Variants in BDH1 observed in about 807,000 individuals in gnomAD.
BDH1 encodes 3-hydroxybutyrate dehydrogenase 1, also known as D-beta-hydroxybutyrate dehydrogenase, mitochondrial.
A neutral mutation model predicts 33.1 loss-of-function variants in BDH1; 30 were observed. The observed-to-expected ratio is 0.91, with a 90% confidence interval of 0.68 to 1.23. BDH1 has a LOEUF of 1.23. Ranked by LOEUF, BDH1 falls within the 50% of genes most tolerant of loss-of-function variation. The pLI is 0.00. For missense variants in BDH1, 443 were observed against 464.4 expected, an observed-to-expected ratio of 0.95 and a Z score of 0.42; for synonymous variants, 190 against 183.6, an observed-to-expected ratio of 1.03 and a Z score of -0.28.
At chr3:197,524,989 G>A (rs146272724) in intron 5 of BDH1, among the ~76,000 whole-genome samples, 10 of 152,262 alleles carry the variant, frequency 6.6e-5, no homozygotes, top group East Asian at 1.9e-4. Context: ...CAGCCAGGCC[G>A]GAGGCTCGAT....
At chr3:197,545,905 G>T (rs1716037001) in intron 3 of BDH1, among the ~76,000 whole-genome samples, 1 of 152,198 alleles carries the variant, frequency 6.6e-6, no homozygotes, top group Admixed American at 6.5e-5. Flanking sequence ...GGGAGGCCAA[G>T]GCGGGTGGAT....
rs1333879457 is a variant in BDH1 at position 197,522,084 on chromosome 3, C to T, written c.409+556G>A. Among the ~76,000 whole-genome samples, 11 of 152,186 alleles carry T rather than the reference C, an allele frequency of 7.2e-5. No individual in the cohort carries two copies. Among genetic ancestry groups the T allele is most frequent in the African/African-American group, 1.7e-4 (7 of 41,450 alleles). On this transcript the variant is annotated intron_variant, in intron 6 of 7. Coordinates refer to ENST00000392379, the MANE Select transcript of BDH1 (RefSeq NM_203314.3). The surrounding 1 kb of genome is among the most constrained non-coding windows in gnomAD (Gnocchi z 4.8). ...ATCCCACCACTTGACCAACAGCCCC[C>T]GCTACCCTCCCCGTGCTCCTCGAAG...
intron 3 of BDH1, among the ~76,000 whole-genome samples, chr3:197,545,291 A>C (rs999143571): frequency 3.3e-5 from 5 of 152,218 alleles, no homozygotes; most frequent in African/African-American, 4.8e-5. Context: ...TGCTTGTCTA[A>C]TTTGTACTTA....
chr3:197,527,305 G>A (rs1197706021), intron 5 of BDH1, among the ~76,000 whole-genome samples: 1 of 152,214 alleles, frequency 6.6e-6, no homozygotes, highest in South Asian at 2.1e-4. Flanking sequence ...GGTTTATTTG[G>A]TCAAAAGCTG....
chr3:197,571,399 G>T (rs1405901413), intron 1 of BDH1, among the ~76,000 whole-genome samples: 1 of 152,102 alleles, frequency 6.6e-6, no homozygotes, highest in Non-Finnish European at 1.5e-5. Context: ...GGAGTGGAAT[G>T]ATATGGTTTG....
At chr3:197,533,427 G>T (rs1647962141) in intron 4 of BDH1, 62 bp downstream of exon 4, 1 of 1,531,274 alleles carries the variant, frequency 6.5e-7, no homozygotes, top group Non-Finnish European at 9.0e-7. Flanking sequence ...CAGGGCCTAG[G>T]GGCCCAGAAG....
rs1713437222 is a variant in BDH1 at position 197,520,569 on chromosome 3, G to A, written c.409+2071C>T. ...GGCAGGGGACGAGGACCGCCAGCCT[G>A]AGCAAGCCGGCCTGGTGCGTTCTCT... On this transcript the variant is annotated intron_variant, in intron 6 of 7. Coordinates refer to ENST00000392379, the MANE Select transcript of BDH1 (RefSeq NM_203314.3). The surrounding 1 kb of genome is among the most constrained non-coding windows in gnomAD (Gnocchi z 6.0). Among the ~76,000 whole-genome samples the A allele has an allele frequency of 6.6e-6, 1 of 152,122 alleles. No homozygotes were observed. The highest frequency in any genetic ancestry group is 1.5e-5 in the Non-Finnish European group (1 of 68,016).
chr3:197,533,863 A>C, intron 3 of BDH1: 2 of 386,636 alleles, frequency 5.2e-6, no homozygotes, highest in East Asian at 4.2e-5. Context: ...CACTCCAATA[A>C]AGTTCCATTT....
At chr3:197,558,044 A>C (rs760209448), upstream of BDH1, among the ~76,000 whole-genome samples, 1 of 152,244 alleles carries the variant, frequency 6.6e-6, no homozygotes, top group Admixed American at 6.5e-5. Flanking sequence ...CAAGGGAAAA[A>C]ACATAGATCC....
Position 197,520,039 on chromosome 3 carries a change from T to A in BDH1, c.409+2601A>T, listed in dbSNP as rs1713361995. Among the ~76,000 whole-genome samples, 1 of 151,686 alleles carries A rather than the reference T, an allele frequency of 6.6e-6. No homozygotes were observed. The highest frequency in any genetic ancestry group is 2.1e-4 in the South Asian group (1 of 4,764). On this transcript the variant is annotated intron_variant, in intron 6 of 7. Coordinates refer to ENST00000392379, the MANE Select transcript of BDH1 (RefSeq NM_203314.3). This position sits in a 1 kb window ranked among gnomAD's most constrained non-coding sequence, Gnocchi z 6.0. Reference sequence around the variant, plus strand: ...TGACATGTCCTGCATGGGGTGTGGGTCGGTGGCGGCCACTGCGGGTCGGAA... The same window carrying A: ...TGACATGTCCTGCATGGGGTGTGGGACGGTGGCGGCCACTGCGGGTCGGAA...
rs1173580848 is a variant in BDH1, at chr3:197,520,103, T to C, written c.409+2537A>G. 2.6e-5 allele frequency among the ~76,000 whole-genome samples: 4 copies of C among 151,930 alleles called. No individual in the cohort carries two copies. Among genetic ancestry groups the C allele is most frequent in the Admixed American group, 2.6e-4 (4 of 15,282 alleles). On this transcript the variant is annotated intron_variant, in intron 6 of 7. Coordinates refer to ENST00000392379, the MANE Select transcript of BDH1 (RefSeq NM_203314.3). The surrounding 1 kb of genome is among the most constrained non-coding windows in gnomAD (Gnocchi z 6.0). ...TGCTCCCTGGAGTTCACAGCCGGCATTGCCTGAGGGGGAATTGCCAAGGCA... is the reference window on the plus strand; with the variant it reads ...TGCTCCCTGGAGTTCACAGCCGGCACTGCCTGAGGGGGAATTGCCAAGGCA...
At chr3:197,530,884 G>C (rs1323495929) in intron 5 of BDH1, 1 of 152,526 alleles carries the variant, frequency 6.6e-6, no homozygotes, top group Non-Finnish European at 1.5e-5. Flanking sequence ...GGAATGGAGT[G>C]GAACAGATAG....
chr3:197,556,278 T>G (rs913711558), upstream of BDH1, among the ~76,000 whole-genome samples: 2 of 152,220 alleles, frequency 1.3e-5, no homozygotes, highest in Non-Finnish European at 2.9e-5. Flanking sequence ...TGAGGAAAAC[T>G]CCGGTGAGGA....
At chr3:197,565,635 C>T (rs1281493759) in intron 1 of BDH1, among the ~76,000 whole-genome samples, 1 of 152,126 alleles carries the variant, frequency 6.6e-6, no homozygotes, top group African/African-American at 2.4e-5. Flanking sequence ...ACTTAATGTA[C>T]ATTATCAGTA....
At chr3:197,569,329 G>A (rs1717532184) in intron 1 of BDH1, among the ~76,000 whole-genome samples, 1 of 151,958 alleles carries the variant, frequency 6.6e-6, no homozygotes, top group African/African-American at 2.4e-5. Context: ...TCATTCATGT[G>A]GATAATCCAA....
In BDH1 at chr3:197,520,980, A is replaced by C. The variant is rs1713482751; in HGVS notation, c.409+1660T>G. Among the ~76,000 whole-genome samples the C allele has an allele frequency of 6.6e-6, 1 of 152,114 alleles. No homozygotes were observed. Among genetic ancestry groups the C allele is most frequent in the South Asian group, 2.1e-4 (1 of 4,816 alleles). Reference sequence around the variant, plus strand: ...CATCAGAGACAGGCAGAGGAGCGGCATCACCGACAGCCACACACGCAGCCT... The same window carrying C: ...CATCAGAGACAGGCAGAGGAGCGGCCTCACCGACAGCCACACACGCAGCCT... On this transcript the variant is annotated intron_variant, in intron 6 of 7. Transcript: ENST00000392379. This position sits in a 1 kb window ranked among gnomAD's most constrained non-coding sequence, Gnocchi z 6.0.
At position 197,531,765 on chromosome 3, in the gene BDH1, C is replaced by T. The variant is rs187634041; in HGVS notation, c.267+647G>A. On this transcript the variant is annotated intron_variant, in intron 5 of 7. Coordinates refer to ENST00000392379, the MANE Select transcript of BDH1 (RefSeq NM_203314.3). ...TTCTAAAGTGGATTGTGGTGGTGGG[C>T]GCACAACTTTCTAACTGGGGCACTG... Among the ~76,000 whole-genome samples, 1,034 of 152,086 alleles carry T rather than the reference C, an allele frequency of 6.8e-3. 9 individuals are homozygous for T. Among genetic ancestry groups the T allele is most frequent in the African/African-American group, 0.023 (967 of 41,490 alleles).
rs1713791807 is a variant in BDH1, at chr3:197,523,654, C to T, written c.268-873G>A. ...GAGGTCAAGATCAATCATTCAGCCC[C>T]TGTTCCCAGAGTCGTGTTCTAGGGA... On this transcript the variant is annotated intron_variant, in intron 5 of 7. Coordinates refer to ENST00000392379, the MANE Select transcript of BDH1 (RefSeq NM_203314.3). The surrounding 1 kb of genome is among the most constrained non-coding windows in gnomAD (Gnocchi z 4.5). Among the ~76,000 whole-genome samples, 1 of 152,150 alleles carries T rather than the reference C, an allele frequency of 6.6e-6. No individual in the cohort carries two copies. Among genetic ancestry groups the T allele is most frequent in the Non-Finnish European group, 1.5e-5 (1 of 68,032 alleles).
At position 197,528,862 on chromosome 3, in the gene BDH1, C is replaced by T. The variant is rs1427843652; in HGVS notation, c.267+3550G>A. On this transcript the variant is annotated intron_variant, in intron 5 of 7. Transcript: ENST00000392379. This position sits in a 1 kb window ranked among gnomAD's most constrained non-coding sequence, Gnocchi z 5.1. ...TTAGTGGTCAGTCTAGGACTAGAAC[C>T]GAAGGCCCTTTTGAAGAGTCTTCTG... The T allele has an allele frequency of 3.3e-5, 5 of 152,236 alleles. No homozygotes were observed. Among genetic ancestry groups the T allele is most frequent in the Non-Finnish European group, 4.4e-5 (3 of 68,054 alleles). 9.4% of individuals were successfully genotyped at this position (152,236 alleles called of 1,614,324 possible).
Sources: gnomAD v4.1 joint callset for allele counts (sites outside exome capture counted in the v4.1 genomes callset) on GRCh38, gnomAD v4.1.1 for gene constraint, Gnocchi (gnomAD v3.1) non-coding constraint, MANE v1.5 for transcripts, NCBI Gene and HGNC (gene_info 2026-07-23, HGNC 2026-07-21) for gene names.